KLC1: variants seen among roughly 807,000 people sequenced by gnomAD.
KLC1 encodes the protein kinesin light chain 1.
In KLC1, 30 loss-of-function variants were observed where a neutral mutation model predicts 84.2. That is an observed-to-expected ratio of 0.36 (90% CI 0.27 to 0.48). The LOEUF (loss-of-function observed/expected upper bound fraction) is 0.48, where lower values mean the gene tolerates loss of function less well. KLC1 is among the 20% of genes least tolerant of loss of function. The probability of loss-of-function intolerance (pLI) is 0.99; values close to 1 mark genes in which losing one functional copy is unlikely to be tolerated. For missense variants in KLC1, 499 were observed against 805.4 expected (o/e 0.62, Z 4.60); for synonymous variants, 289 against 293.3 (o/e 0.99, Z 0.15).
intron 1 of KLC1, among the ~76,000 whole-genome samples, chr14:103,631,165 C>T (rs1037618350): frequency 6.6e-6 from 1 of 151,854 alleles, no homozygotes; most frequent in Non-Finnish European, 1.5e-5. Flanking sequence ...ACTGCAAGCT[C>T]CGCCTCCCGG....
intron 13 of KLC1, chr14:103,686,025 T>C (rs928303173): frequency 9.4e-7 from 1 of 1,058,946 alleles, no homozygotes; most frequent in Non-Finnish European, 1.1e-6. Flanking sequence ...CAGCAAGGCA[T>C]GTGCCGCACG....
Position 103,685,314 on chromosome 14 carries a change from C to T in KLC1, c.1651-1767C>T, listed in dbSNP as rs1248247245. ...TTTCATTGCATAATCTCCTTATATA[C>T]AGTTACTTGTAAAGCCTTTTACACC... On this transcript the variant is annotated intron_variant, in intron 13 of 16. Coordinates refer to ENST00000334553, the MANE Select transcript of KLC1 (RefSeq NM_001394837.1). 8 of 1,311,102 alleles carry T rather than the reference C, an allele frequency of 6.1e-6. No individual in the cohort carries two copies. The Admixed American group carries it at 2.4e-4, about 39-fold the overall frequency. 81.2% of individuals were successfully genotyped at this position (1,311,102 alleles called of 1,614,324 possible).
chr14:103,674,756 A>G (rs2080737622), intron 9 of KLC1, among the ~76,000 whole-genome samples: 1 of 152,142 alleles, frequency 6.6e-6, no homozygotes, highest in South Asian at 2.1e-4. Flanking sequence ...ACATCTTGCT[A>G]CTTTTTCTTA....
At chr14:103,667,836 A>T (rs2080007324) in intron 5 of KLC1, among the ~76,000 whole-genome samples, 1 of 152,192 alleles carries the variant, frequency 6.6e-6, no homozygotes, top group Admixed American at 6.6e-5. Flanking sequence ...AGTTACTACT[A>T]CTCAATTGAG....
intron 13 of KLC1, among the ~76,000 whole-genome samples, chr14:103,681,103 C>G (rs987655786): frequency 1.8e-4 from 28 of 152,202 alleles, no homozygotes; most frequent in Admixed American, 1.8e-3. Flanking sequence ...TCCACGCTTC[C>G]TTTCTCACTT....
intron 13 of KLC1, among the ~76,000 whole-genome samples, chr14:103,681,205 C>T (rs910837046): frequency 1.3e-5 from 2 of 152,140 alleles, no homozygotes; most frequent in East Asian, 3.9e-4. Context: ...TCCCAGGGTG[C>T]GTTGGCCACG....
intron 13 of KLC1, chr14:103,685,261 C>A: frequency 7.2e-7 from 1 of 1,384,278 alleles, no homozygotes; most frequent in East Asian, 2.7e-5. Flanking sequence ...AAAGTCATAC[C>A]TGTAGCCTTT....
At chr14:103,665,656 C>G (rs1595436155) in intron 5 of KLC1, among the ~76,000 whole-genome samples, 1 of 152,044 alleles carries the variant, frequency 6.6e-6, no homozygotes, top group African/African-American at 2.4e-5. Context: ...AGGCTGGTCT[C>G]AAAACTCCTG....
chr14:103,654,689 A>G lies in KLC1; in HGVS notation c.125A>G (p.His42Arg). Residue 42 changes from histidine to arginine, a missense_variant, in exon 2 of 17, where the codon CAC (histidine) becomes CGC (arginine). This residue lies in a region of KLC1 where 179 missense variants were observed against 264.2 expected (regional missense o/e 0.68). Coordinates refer to ENST00000334553, the MANE Select transcript of KLC1 (RefSeq NM_001394837.1). ...IQGLEALKNE[H>R]NSILQSLLET... The stretch of plus-strand genomic sequence containing the variant: ...GGGCTGGAAGCTTTGAAGAATGAGC[A>G]CAATTCCATTTTACAAAGTTTGCTG... 1 of 1,614,238 alleles carries G rather than the reference A, an allele frequency of 6.2e-7. No homozygotes were observed. Among genetic ancestry groups the G allele is most frequent in the Non-Finnish European group, 8.5e-7 (1 of 1,180,038 alleles).
rs34560300 is a variant in KLC1 at position 103,677,971 on chromosome 14, T to TA, written c.1488+464dup. Among the ~76,000 whole-genome samples the TA allele has an allele frequency of 6.1e-3, 825 of 136,276 alleles. 6 individuals are homozygous for TA. The highest frequency in any genetic ancestry group is 0.021 in the African/African-American group (725 of 34,702). 89.4% of individuals were successfully genotyped at this position (136,276 alleles called of 152,430 possible). A position where few individuals can be genotyped will look rare whatever the true frequency, so the allele number is the denominator to read the frequency against. The stretch of plus-strand genomic sequence containing the variant: ...GACAGAACGAGACTCCGTCTCAATT[T>TA]AAAAAAAAAAAAAAAAGCATGAGGC... On this transcript the variant is annotated intron_variant, in intron 12 of 16. Coordinates refer to ENST00000334553, the MANE Select transcript of KLC1 (RefSeq NM_001394837.1).
intron 15 of KLC1, chr14:103,698,684 CTG>C (rs2082787261): frequency 4.2e-6 from 4 of 944,612 alleles, no homozygotes; most frequent in African/African-American, 1.6e-5. Context: ...CCTGGAAGAG[CTG>C]TGTCTGAACC....
chr14:103,638,491 C>A (rs1240419655), intron 1 of KLC1, among the ~76,000 whole-genome samples: 2 of 151,634 alleles, frequency 1.3e-5, no homozygotes, highest in East Asian at 3.9e-4. Context: ...TAATTCCACA[C>A]ATTCCTTTTC....
chr14:103,673,468 G>T (rs990270288), intron 9 of KLC1, 37 bp downstream of exon 9: 4 of 1,321,246 alleles, frequency 3.0e-6, no homozygotes, highest in Non-Finnish European at 4.3e-6. Context: ...GAATTTAATT[G>T]TATAATGACT....
intron 1 of KLC1, among the ~76,000 whole-genome samples, chr14:103,638,519 G>GT (rs535856533): frequency 0.083 from 12,017 of 143,930 alleles, 667 homozygotes; most frequent in Middle Eastern, 0.14. Flanking sequence ...AGTGCTTGGT[G>GT]TTTTTTTTTT....
chr14:103,688,882 T>C (rs1015790791), intron 14 of KLC1, among the ~76,000 whole-genome samples: 2 of 152,218 alleles, frequency 1.3e-5, no homozygotes, highest in East Asian at 3.8e-4. Flanking sequence ...ATGAAACAAA[T>C]GAACTCTTAT....
intron 1 of KLC1, among the ~76,000 whole-genome samples, chr14:103,645,555 G>A (rs921156544): frequency 3.3e-5 from 5 of 152,228 alleles, no homozygotes; most frequent in Middle Eastern, 3.4e-3. Context: ...AAGTGATTTC[G>A]TTGTGGGGGC....
intron 11 of KLC1, among the ~76,000 whole-genome samples, chr14:103,676,860 TAAG>T (rs1037250963): frequency 2.0e-5 from 3 of 151,858 alleles, no homozygotes; most frequent in Non-Finnish European, 4.4e-5. Context: ...GTTTGAAAAA[TAAG>T]AAAGAAAGAA....
intron 3 of KLC1, among the ~76,000 whole-genome samples, chr14:103,658,550 C>T (rs1242703225): frequency 1.3e-5 from 2 of 151,234 alleles, no homozygotes; most frequent in African/African-American, 4.9e-5. Flanking sequence ...GCTGGTATTC[C>T]AGGTGGGAGC....
At chr14:103,697,033 T>G (rs2082587637) in intron 15 of KLC1, 1 of 985,366 alleles carries the variant, frequency 1.0e-6, no homozygotes. Context: ...TTTTCTCTGT[T>G]AAATGTACCT....
Sources: allele counts gnomAD v4.1 joint callset (sites outside exome capture counted in the v4.1 genomes callset), GRCh38; gene constraint gnomAD v4.1.1; regional missense constraint gnomAD v4.1.1; transcripts MANE v1.5; gene names NCBI Gene and HGNC (gene_info 2026-07-23, HGNC 2026-07-21).